The following PCDHA8 variants were observed in gnomAD, a reference collection of about 807,000 sequenced individuals.
PCDHA8 encodes the protein protocadherin alpha 8, also known as protocadherin alpha-8.
A neutral mutation model predicts 61.8 loss-of-function variants in PCDHA8; 53 were observed. The ratio of observed to expected loss-of-function variants is 0.86; its 90% CI spans 0.69 to 1.08. The LOEUF (loss-of-function observed/expected upper bound fraction) is 1.08. Ranked by LOEUF, PCDHA8 falls within the 50% of genes least tolerant of loss-of-function variation. The pLI, the probability that PCDHA8 is intolerant of heterozygous loss-of-function variation, is 0.00. For synonymous variants in PCDHA8, 618 were observed against 556.6 expected (o/e 1.11, Z -1.55); for missense variants, 1,293 against 1,245.0 (o/e 1.04, Z -0.58).
At chr5:140,950,358 G>A (rs1474217490) in intron 1 of PCDHA8, among the ~76,000 whole-genome samples, 3 of 151,864 alleles carry the variant, frequency 2.0e-5, no homozygotes, top group Admixed American at 1.3e-4. Context: ...TCCTTTATCT[G>A]AAGATCTATT....
intron 3 of PCDHA8, among the ~76,000 whole-genome samples, chr5:140,990,800 A>C (rs1474894854): frequency 3.9e-5 from 6 of 152,216 alleles, no homozygotes; most frequent in Non-Finnish European, 2.9e-5. Context: ...CATGGAATAC[A>C]GAAGAAGCTC....
At chr5:140,934,684 A>G (rs1026507859) in intron 1 of PCDHA8, among the ~76,000 whole-genome samples, 1 of 152,178 alleles carries the variant, frequency 6.6e-6, no homozygotes, top group African/African-American at 2.4e-5. Context: ...TATTCAAAAC[A>G]ATGAATTGAT....
At chr5:140,865,298 C>T (rs1213333279) in intron 1 of PCDHA8, 2 of 152,028 alleles carry the variant, frequency 1.3e-5, no homozygotes, top group Non-Finnish European at 2.9e-5. Flanking sequence ...CTTTTTGGCT[C>T]TAATTACAAA....
chr5:140,921,268 C>G (rs2080134153), intron 1 of PCDHA8, among the ~76,000 whole-genome samples: 1 of 151,980 alleles, frequency 6.6e-6, no homozygotes, highest in Non-Finnish European at 1.5e-5. Context: ...GACTTTTATA[C>G]TTACTTGAAA....
intron 1 of PCDHA8, among the ~76,000 whole-genome samples, chr5:140,924,907 A>T (rs538089373): frequency 0.035 from 1,776 of 50,942 alleles, 16 homozygotes; most frequent in Non-Finnish European, 0.042. Context: ...AAAAAAAAAT[A>T]AAATAAAATA....
At chr5:140,875,820 T>C (rs2055843364) in intron 1 of PCDHA8, 1 of 1,613,978 alleles carries the variant, frequency 6.2e-7, no homozygotes, top group African/African-American at 1.3e-5. Flanking sequence ...CGCTGCAGGT[T>C]TTCCATGTGG....
chr5:140,884,804 T>A (rs1223470171), intron 1 of PCDHA8: 1 of 1,210,196 alleles, frequency 8.3e-7, no homozygotes, highest in Non-Finnish European at 1.1e-6. Flanking sequence ...ATTTAACAAC[T>A]CTGCTGTGGA....
intron 1 of PCDHA8, chr5:140,862,278 C>G (rs1367349322): frequency 7.9e-6 from 2 of 252,960 alleles, no homozygotes; most frequent in Middle Eastern, 1.4e-3. Context: ...CTATCATTCC[C>G]TGTACAGGAG....
At chr5:140,845,376 G>A (rs1779847129) in intron 1 of PCDHA8, among the ~76,000 whole-genome samples, 1 of 149,336 alleles carries the variant, frequency 6.7e-6, no homozygotes, top group Non-Finnish European at 1.5e-5. Context: ...ATCATAAATA[G>A]GAGGATTCTT....
intron 1 of PCDHA8, among the ~76,000 whole-genome samples, chr5:140,915,331 T>G (rs1485344164): frequency 6.6e-6 from 1 of 152,184 alleles, no homozygotes; most frequent in Non-Finnish European, 1.5e-5. Context: ...TGTTATAATA[T>G]TCTGTGTTTT....
intron 1 of PCDHA8, chr5:140,967,902 C>T: frequency 6.2e-7 from 1 of 1,614,192 alleles, no homozygotes; most frequent in East Asian, 2.2e-5. Flanking sequence ...GAGAATGCTA[C>T]ACCCAACACC....
chr5:140,862,236 A>G (rs2047269421), intron 1 of PCDHA8: 1 of 213,620 alleles, frequency 4.7e-6, no homozygotes, highest in African/African-American at 2.3e-5. Context: ...CTTGGACATC[A>G]ATGATAGTGT....
intron 3 of PCDHA8, among the ~76,000 whole-genome samples, chr5:140,994,862 G>A (rs1434007632): frequency 1.3e-5 from 2 of 152,174 alleles, no homozygotes; most frequent in African/African-American, 4.8e-5. Flanking sequence ...TTTGATGGAT[G>A]TGGTAGAATA....
chr5:140,886,786 A>C (rs2061126610), intron 1 of PCDHA8, among the ~76,000 whole-genome samples: 1 of 150,390 alleles, frequency 6.6e-6, no homozygotes, highest in East Asian at 2.0e-4. Context: ...AGATCATGCT[A>C]CTGTACTCCA....
chr5:141,000,924 G>C (rs375816680), intron 3 of PCDHA8, among the ~76,000 whole-genome samples: 97 of 152,046 alleles, frequency 6.4e-4, no homozygotes, highest in African/African-American at 2.2e-3. Context: ...AAAAAATCCT[G>C]TGTGATTTAG....
chr5:140,972,469 C>G (rs782470724), intron 1 of PCDHA8, among the ~76,000 whole-genome samples: 6 of 152,054 alleles, frequency 3.9e-5, no homozygotes, highest in Admixed American at 3.9e-4. Context: ...TATTAAACAT[C>G]AGCATTTAAC....
chr5:140,851,102 G>T (rs1439831567), intron 1 of PCDHA8: 1 of 1,288,512 alleles, frequency 7.8e-7, no homozygotes, highest in Non-Finnish European at 1.0e-6. Context: ...ATATTTTTTG[G>T]GTGCTGAATC....
At chr5:140,988,424 G>C (rs1563549055) in intron 3 of PCDHA8, among the ~76,000 whole-genome samples, 1 of 152,158 alleles carries the variant, frequency 6.6e-6, no homozygotes, top group Non-Finnish European at 1.5e-5. Context: ...TAAAGAATTT[G>C]TTTGTTTTGG....
At chr5:140,920,565 G>A (rs1225212458) in intron 1 of PCDHA8, among the ~76,000 whole-genome samples, 27 of 152,152 alleles carry the variant, frequency 1.8e-4, no homozygotes, top group Admixed American at 1.6e-3. Context: ...TGGCCCTTAG[G>A]CCAGGAGCAG....
Sources: gnomAD v4.1 joint callset for allele counts (sites outside exome capture counted in the v4.1 genomes callset) on GRCh38, gnomAD v4.1.1 for gene constraint, MANE v1.5 for transcripts, NCBI Gene and HGNC (gene_info 2026-07-23, HGNC 2026-07-21) for gene names.